MPC2: variants seen among roughly 807,000 people sequenced by gnomAD.
MPC2 encodes brain protein 44.
In MPC2, 19 loss-of-function variants were observed where a neutral mutation model predicts 19.2. That is an observed-to-expected ratio of 0.99 (90% CI 0.69 to 1.45). MPC2 has a LOEUF of 1.45. Among genes scored for constraint, MPC2 ranks in the 40% most tolerant of loss-of-function variants. The pLI is 0.00. For missense variants in MPC2, 122 were observed against 153.0 expected, an observed-to-expected ratio of 0.80 and a Z score of 1.07; for synonymous variants, 61 against 54.3, an observed-to-expected ratio of 1.12 and a Z score of -0.54.
chr1:167,919,209 T>C (rs1216219310), intron 5 of MPC2, among the ~76,000 whole-genome samples: 2 of 152,280 alleles, frequency 1.3e-5, no homozygotes, highest in African/African-American at 4.8e-5. Flanking sequence ...AACACTTAAG[T>C]TCACAAACGC....
Position 167,917,756 on chromosome 1 carries a change from A to G in MPC2, c.*567T>C, listed in dbSNP as rs1009221017. On this transcript the variant is annotated 3_prime_UTR_variant, in exon 6 of 6. Transcript: ENST00000271373. ...CATGGACCAGGCACTATGTTAAAAC[A>G]TTATCTCATTAATCTTTACAATGAT... The G allele has an allele frequency of 6.6e-6, 1 of 152,260 alleles. No individual in the cohort carries two copies. Among genetic ancestry groups the G allele is most frequent in the Non-Finnish European group, 1.5e-5 (1 of 68,106 alleles). The allele number at this position is 152,260 out of a possible 1,614,324, so 9.4% of individuals were successfully genotyped here.
chr1:167,935,494 A>T (rs574080111), intron 2 of MPC2, among the ~76,000 whole-genome samples: 11 of 152,318 alleles, frequency 7.2e-5, no homozygotes, highest in Middle Eastern at 3.4e-3. Flanking sequence ...GTCGTGCGTA[A>T]GGGAGCGGAT....
chr1:167,936,012 G>GCCCGCGC (rs1244153133), intron 1 of MPC2, 114 bp from the exon 2 acceptor site: 2 of 618,156 alleles, frequency 3.2e-6, no homozygotes, highest in African/African-American at 1.8e-5. Context: ...AAAAGCTGCG[G>GCCCGCGC]CCCGCGCCCC....
At chr1:167,921,611 G>C (rs1670603311) in intron 3 of MPC2, among the ~76,000 whole-genome samples, 1 of 151,912 alleles carries the variant, frequency 6.6e-6, no homozygotes, top group Admixed American at 6.6e-5. Context: ...GCACTCATGC[G>C]TTTTTGCTCC....
chr1:167,937,007 G>T lies in MPC2; in HGVS notation c.-126C>A. On this transcript the variant is annotated 5_prime_UTR_variant, in exon 1 of 6. Coordinates refer to ENST00000271373, the MANE Select transcript of MPC2 (RefSeq NM_001143674.4). Reference sequence around the variant, plus strand: ...CGTCCCGGCTGCGGAGTCGCTACCTGGGTGAGCGGGGGCCCCGGGGCGGAG... The same window carrying T: ...CGTCCCGGCTGCGGAGTCGCTACCTTGGTGAGCGGGGGCCCCGGGGCGGAG... The T allele has an allele frequency of 6.2e-7, 1 of 1,607,098 alleles. No homozygotes were observed. Among genetic ancestry groups the T allele is most frequent in the African/African-American group, 1.3e-5 (1 of 74,954 alleles).
chr1:167,917,744 C>T lies in MPC2; in HGVS notation c.*579G>A, dbSNP rs2102522195. 6.6e-6 allele frequency: 1 copy of T among 152,252 alleles called. No individual in the cohort carries two copies. The highest frequency in any genetic ancestry group is 1.9e-4 in the East Asian group (1 of 5,178). 9.4% of individuals were successfully genotyped at this position (152,252 alleles called of 1,614,324 possible). A position where few individuals can be genotyped will look rare whatever the true frequency, so the allele number is the denominator to read the frequency against. Reference sequence around the variant, plus strand: ...TTTAACACTTATCATGGACCAGGCACTATGTTAAAACATTATCTCATTAAT... The same window carrying T: ...TTTAACACTTATCATGGACCAGGCATTATGTTAAAACATTATCTCATTAAT... On this transcript the variant is annotated 3_prime_UTR_variant, in exon 6 of 6. Coordinates refer to ENST00000271373, the MANE Select transcript of MPC2 (RefSeq NM_001143674.4).
intron 1 of MPC2, 60 bp from the exon 2 acceptor site, chr1:167,935,958 C>CGGGAAGGGTA: frequency 1.4e-6 from 1 of 735,500 alleles, no homozygotes; most frequent in Non-Finnish European, 2.3e-6. Context: ...CCGCCTCTCG[C>CGGGAAGGGTA]CTGGAGTACC....
chr1:167,923,830 T>C lies in MPC2; in HGVS notation c.150+667A>G, dbSNP rs145871023. Among the ~76,000 whole-genome samples the C allele has an allele frequency of 2.1e-3, 317 of 152,286 alleles. 2 individuals carry two copies. The highest frequency in any genetic ancestry group is 7.1e-3 in the African/African-American group (296 of 41,560). Reference sequence around the variant, plus strand: ...AGTTTCAGATTTAGTAGGTCTGTGATGGGGCCTAACAAGTTCTCAAATGAT... The same window carrying C: ...AGTTTCAGATTTAGTAGGTCTGTGACGGGGCCTAACAAGTTCTCAAATGAT... On this transcript the variant is annotated intron_variant, in intron 3 of 5. Coordinates refer to ENST00000271373, the MANE Select transcript of MPC2 (RefSeq NM_001143674.4).
intron 2 of MPC2, among the ~76,000 whole-genome samples, chr1:167,925,462 T>C (rs1316314446): frequency 8.4e-6 from 1 of 119,552 alleles, no homozygotes; most frequent in African/African-American, 3.8e-5. Context: ...TATATATATA[T>C]ATATATATAT....
chr1:167,921,871 C>G (rs1027081978), intron 3 of MPC2, among the ~76,000 whole-genome samples: 7 of 151,992 alleles, frequency 4.6e-5, no homozygotes, highest in Admixed American at 6.6e-5. Flanking sequence ...ATATTTATAT[C>G]CTTTAGGTTA....
At chr1:167,921,900 A>C (rs1226514384) in intron 3 of MPC2, among the ~76,000 whole-genome samples, 2 of 152,210 alleles carry the variant, frequency 1.3e-5, no homozygotes, top group Admixed American at 6.5e-5. Flanking sequence ...TATTTAAGGT[A>C]CATAGGTTTT....
chr1:167,929,815 C>A (rs1246087092), intron 2 of MPC2, among the ~76,000 whole-genome samples: 1 of 152,130 alleles, frequency 6.6e-6, no homozygotes, highest in Non-Finnish European at 1.5e-5. Context: ...TTCACTATAT[C>A]CCTCTGTGAA....
At chr1:167,924,573 A>C (rs1670686542) in intron 2 of MPC2, 36 bp from the exon 3 acceptor site, 8 of 1,448,410 alleles carry the variant, frequency 5.5e-6, no homozygotes, top group Non-Finnish European at 7.4e-6. Context: ...TCAGGAATAA[A>C]CCAAATATAT....
intron 3 of MPC2, among the ~76,000 whole-genome samples, chr1:167,924,121 T>C (rs148381680): frequency 6.6e-6 from 1 of 152,314 alleles, no homozygotes; most frequent in Non-Finnish European, 1.5e-5. Flanking sequence ...TTTCCTCACC[T>C]ATATTTTGGT....
intron 3 of MPC2, among the ~76,000 whole-genome samples, chr1:167,921,113 T>C (rs1384174035): frequency 6.6e-6 from 1 of 152,204 alleles, no homozygotes; most frequent in Non-Finnish European, 1.5e-5. Flanking sequence ...TTGGGGTATA[T>C]GTGCAGGTTT....
intron 5 of MPC2, among the ~76,000 whole-genome samples, chr1:167,919,047 A>G (rs1000735448): frequency 4.6e-5 from 7 of 152,234 alleles, no homozygotes; most frequent in Admixed American, 4.6e-4. Context: ...TAGAATTTTA[A>G]AATTTATACT....
intron 2 of MPC2, among the ~76,000 whole-genome samples, chr1:167,932,054 T>C (rs1361511300): frequency 1.3e-5 from 2 of 152,204 alleles, no homozygotes; most frequent in Non-Finnish European, 2.9e-5. Context: ...AACTATTTTT[T>C]CAAAAGCTCT....
chr1:167,924,640 CT>C (rs1670688532), intron 2 of MPC2, 103 bp from the exon 3 acceptor site: 2 of 789,652 alleles, frequency 2.5e-6, no homozygotes, highest in Non-Finnish European at 3.9e-6. Flanking sequence ...ATTTATCAAC[CT>C]ATTTTTAACC....
chr1:167,917,840 C>A lies in MPC2; in HGVS notation c.*483G>T, dbSNP rs986166646. 6.6e-6 allele frequency: 1 copy of A among 152,372 alleles called. No individual in the cohort carries two copies. The highest frequency in any genetic ancestry group is 1.5e-5 in the Non-Finnish European group (1 of 68,166). The allele number at this position is 152,372 out of a possible 1,614,324, so 9.4% of individuals were successfully genotyped here. A position where few individuals can be genotyped will look rare whatever the true frequency, so the allele number is the denominator to read the frequency against. ...TATACAACATTTATACAAAAATCAT[C>A]AAGATTCTTCATGGCAAGTTAAAAT... On this transcript the variant is annotated 3_prime_UTR_variant, in exon 6 of 6. Transcript: ENST00000271373.
Sources: gnomAD v4.1 joint callset for allele counts (sites outside exome capture counted in the v4.1 genomes callset) on GRCh38, gnomAD v4.1.1 for gene constraint, MANE v1.5 for transcripts, NCBI Gene and HGNC (gene_info 2026-07-23, HGNC 2026-07-21) for gene names.